C14orf39: variants seen among roughly 807,000 people sequenced by gnomAD.
The protein encoded by C14orf39 is chromosome 14 open reading frame 39.
Under a neutral mutation model 85.6 loss-of-function variants are expected in C14orf39, and 66 were observed. The observed-to-expected ratio is 0.77, with a 90% CI of 0.63 to 0.95. The LOEUF (loss-of-function observed/expected upper bound fraction) is 0.95, where lower values mean the gene tolerates loss of function less well. Ranked by LOEUF, C14orf39 falls within the 40% of genes least tolerant of loss-of-function variation. C14orf39 has a pLI of 0.00. For synonymous variants in C14orf39, 242 were observed against 214.0 expected (o/e 1.13, Z -1.14); for missense variants, 735 against 663.9 (o/e 1.11, Z -1.18).
chr14:60,440,324 A>G (rs1056151996), intron 17 of C14orf39, among the ~76,000 whole-genome samples: 3 of 152,096 alleles, frequency 2.0e-5, no homozygotes, highest in Non-Finnish European at 4.4e-5. Flanking sequence ...CTCAATCTCA[A>G]ATTACGCTTA....
chr14:60,437,240 T>C (rs949395127), intron 17 of C14orf39, among the ~76,000 whole-genome samples, 193 bp from the exon 18 acceptor site: 2 of 151,896 alleles, frequency 1.3e-5, no homozygotes, highest in African/African-American at 4.8e-5. Flanking sequence ...TAAAACAGAC[T>C]CAAACTTAAA....
chr14:60,488,713 T>C (rs1251274764), upstream of C14orf39, among the ~76,000 whole-genome samples: 4 of 152,200 alleles, frequency 2.6e-5, no homozygotes, highest in African/African-American at 9.6e-5. Context: ...TCCACTCATT[T>C]CCTAATTGAC....
At chr14:60,497,935 T>A (rs1433488159) in intron 2 of C14orf39, among the ~76,000 whole-genome samples, 1 of 151,722 alleles carries the variant, frequency 6.6e-6, no homozygotes, top group Non-Finnish European at 1.5e-5. Flanking sequence ...AAGAAAAAAA[T>A]TCCCTTTGTA....
intron 1 of C14orf39, among the ~76,000 whole-genome samples, chr14:60,510,172 C>G (rs1259276097): frequency 1.3e-5 from 2 of 152,252 alleles, no homozygotes; most frequent in Non-Finnish European, 2.9e-5. Flanking sequence ...GCTGGCTCCC[C>G]ACGCCTGCGG....
At chr14:60,498,904 C>G (rs971727199) in intron 2 of C14orf39, among the ~76,000 whole-genome samples, 8 of 152,230 alleles carry the variant, frequency 5.3e-5, no homozygotes, top group African/African-American at 1.9e-4. Flanking sequence ...CATTGACAAA[C>G]TGATCTTAAG....
chr14:60,506,626 T>C (rs1247963789), intron 1 of C14orf39, among the ~76,000 whole-genome samples: 3 of 152,176 alleles, frequency 2.0e-5, no homozygotes, highest in Admixed American at 2.0e-4. Context: ...TAAAATTAAA[T>C]CAAGTCCCTT....
At position 60,461,427 on chromosome 14, in the gene C14orf39, A is replaced by G; in HGVS notation, c.1059-15T>C. The G allele has an allele frequency of 6.3e-7, 1 of 1,598,874 alleles. No individual in the cohort carries two copies. The highest frequency in any genetic ancestry group is 8.5e-7 in the Non-Finnish European group (1 of 1,171,342). On this transcript the variant is annotated splice_polypyrimidine_tract_variant and intron_variant, in intron 12 of 17. Transcript: ENST00000321731. ...GGGTTAACAATCTAAAATGGAATAAATATAATTTTTGTATTTTTTCTGAGT... is the reference window on the plus strand; with the variant it reads ...GGGTTAACAATCTAAAATGGAATAAGTATAATTTTTGTATTTTTTCTGAGT...
intron 15 of C14orf39, among the ~76,000 whole-genome samples, chr14:60,456,215 A>G (rs1020735766): frequency 2.0e-5 from 3 of 152,104 alleles, no homozygotes; most frequent in Non-Finnish European, 4.4e-5. Context: ...ATAAAGGTTA[A>G]GTGCAGCACT....
intron 16 of C14orf39, among the ~76,000 whole-genome samples, chr14:60,446,137 A>T (rs1375470497): frequency 6.6e-6 from 1 of 152,218 alleles, no homozygotes; most frequent in Admixed American, 6.5e-5. Context: ...ACACCCTAAC[A>T]TCAAAATTAA....
In C14orf39 at chr14:60,455,004, A is replaced by C; in HGVS notation, c.1500T>G (p.Asp500Glu). ...SSVFDTEISS[D>E]QFNEHYSARN... ...AACTTTTGGCTTCTCATATTACCTG[A>C]TCTGATGAGATTTCTGTATCAAATA... The change falls in exon 16 of 18, where the codon GAT becomes GAG. Residue 500 changes from aspartate (D) to glutamate (E), a missense_variant. Asp to Glu is a conservative substitution (Grantham distance 45, BLOSUM62 2). Transcript: ENST00000321731. 1 of 1,540,414 alleles carries C rather than the reference A, an allele frequency of 6.5e-7. No individual in the cohort carries two copies. Among genetic ancestry groups the C allele is most frequent in the Non-Finnish European group, 8.7e-7 (1 of 1,154,092 alleles).
chr14:60,471,429 C>A lies in C14orf39; in HGVS notation c.542G>T (p.Trp181Leu). The change falls in exon 7 of 18, where the codon TGG (tryptophan) becomes TTG (leucine). Residue 181 changes from tryptophan to leucine, a missense_variant. Physicochemically the swap from Trp to Leu is moderately conservative, Grantham distance 61. Coordinates refer to ENST00000321731, the MANE Select transcript of C14orf39 (RefSeq NM_174978.3). ...VPAPFPSLTK[W>L]TLNIVNLRCE... The stretch of plus-strand genomic sequence containing the variant: ...CTATTGTGGATACATGTTTAAAGTC[C>A]ATTTAGTAAGTGATGGAAAGGGAGC... 1 of 1,595,954 alleles carries A rather than the reference C, an allele frequency of 6.3e-7. No individual in the cohort carries two copies. Among genetic ancestry groups the A allele is most frequent in the East Asian group, 2.3e-5 (1 of 44,216 alleles).
intron 1 of C14orf39, among the ~76,000 whole-genome samples, chr14:60,501,634 A>G (rs1054510403): frequency 6.6e-6 from 1 of 152,216 alleles, no homozygotes; most frequent in Non-Finnish European, 1.5e-5. Flanking sequence ...ACAGGAAACA[A>G]ATACAGAGGG....
chr14:60,461,970 A>G (rs557963791), intron 11 of C14orf39, among the ~76,000 whole-genome samples: 1 of 152,210 alleles, frequency 6.6e-6, no homozygotes, highest in African/African-American at 2.4e-5. Context: ...TAACCTCTCA[A>G]ATTTAACACA....
At chr14:60,511,492 T>C in intron 1 of C14orf39, 2 of 598,702 alleles carry the variant, frequency 3.3e-6, no homozygotes, top group South Asian at 2.0e-5. Context: ...CACGTTCTTC[T>C]TGCTTTGCTT....
Position 60,457,095 on chromosome 14 carries a change from C to T in C14orf39, c.1180G>A (p.Ala394Thr), listed in dbSNP as rs780002891. 2.0e-6 allele frequency: 3 copies of T among 1,533,874 alleles called. No individual in the cohort carries two copies. Among genetic ancestry groups the T allele is most frequent in the Non-Finnish European group, 2.6e-6 (3 of 1,142,242 alleles). Residue 394 changes from alanine to threonine, a missense_variant and splice_region_variant, in exon 15 of 18, where the codon GCT (alanine) becomes ACT (threonine). Coordinates refer to ENST00000321731, the MANE Select transcript of C14orf39 (RefSeq NM_174978.3). ...QVRESKCTSQ[A>T]IYTEHFGKSV... Reference sequence around the variant, plus strand: ...TTCCCAAAATGTTCAGTATATATAGCCTGCAAATTCAAAGTAACAGAAAAC... The same window carrying T: ...TTCCCAAAATGTTCAGTATATATAGTCTGCAAATTCAAAGTAACAGAAAAC...
chr14:60,507,409 C>T (rs545153477), intron 1 of C14orf39, among the ~76,000 whole-genome samples: 1 of 152,164 alleles, frequency 6.6e-6, no homozygotes, highest in Non-Finnish European at 1.5e-5. Flanking sequence ...GAAGTCGCTC[C>T]AAGGGAAAGA....
intron 13 of C14orf39, among the ~76,000 whole-genome samples, chr14:60,460,810 T>G (rs1253202163): frequency 2.0e-5 from 3 of 151,648 alleles, no homozygotes; most frequent in Non-Finnish European, 3.0e-5. Flanking sequence ...GTAACTTTAT[T>G]CAAAGAAAAT....
At chr14:60,452,847 A>G (rs1415216241) in intron 16 of C14orf39, among the ~76,000 whole-genome samples, 1 of 152,092 alleles carries the variant, frequency 6.6e-6, no homozygotes, top group East Asian at 1.9e-4. Flanking sequence ...TTCTTCTTTG[A>G]TCTATGGCCT....
At chr14:60,468,709 C>T (rs1891919949) in intron 8 of C14orf39, among the ~76,000 whole-genome samples, 173 bp from the exon 9 acceptor site, 1 of 151,582 alleles carries the variant, frequency 6.6e-6, no homozygotes. Flanking sequence ...ATAAATCACA[C>T]CCGTTTAACT....
Sources: allele counts gnomAD v4.1 joint callset (sites outside exome capture counted in the v4.1 genomes callset), GRCh38; gene constraint gnomAD v4.1.1; transcripts MANE v1.5; gene names NCBI Gene and HGNC (gene_info 2026-07-23, HGNC 2026-07-21).